EYS: variants seen among roughly 807,000 people sequenced by gnomAD.
EYS encodes protein eyes shut homolog.
EYS carries 250 observed loss-of-function variants against 282.1 expected under a neutral mutation model. The observed-to-expected ratio is 0.89, with a 90% confidence interval of 0.80 to 0.98. The LOEUF (loss-of-function observed/expected upper bound fraction) is 0.98. Among genes scored for constraint, EYS ranks in the 50% least tolerant of loss-of-function variants. EYS has a pLI of 0.00. For missense variants in EYS, 4,016 were observed against 3,709.0 expected (o/e 1.08, Z -2.15); for synonymous variants, 1,355 against 1,282.9 (o/e 1.06, Z -1.20).
At chr6:64,017,405 G>A (rs569114078) in intron 33 of EYS, among the ~76,000 whole-genome samples, 2 of 152,160 alleles carry the variant, frequency 1.3e-5, no homozygotes, top group East Asian at 1.9e-4. Context: ...ACTACAATAC[G>A]AGATTTCATT....
chr6:64,303,665 AC>A (rs1311635384), intron 30 of EYS, among the ~76,000 whole-genome samples: 9 of 151,240 alleles, frequency 6.0e-5, no homozygotes, highest in Admixed American at 1.3e-4. Flanking sequence ...ACACGGTGAA[AC>A]CCCGTCTCTA....
At chr6:65,157,855 T>C (rs1197623072) in intron 12 of EYS, among the ~76,000 whole-genome samples, 1 of 150,734 alleles carries the variant, frequency 6.6e-6, no homozygotes, top group Non-Finnish European at 1.5e-5. Flanking sequence ...TCAAGTACCA[T>C]TATATTTATA....
intron 22 of EYS, among the ~76,000 whole-genome samples, chr6:64,644,409 C>G (rs1292827267): frequency 2.0e-5 from 3 of 151,910 alleles, no homozygotes; most frequent in Non-Finnish European, 2.9e-5. Flanking sequence ...AGGGTAAGAA[C>G]CAAGAGTAAG....
chr6:64,532,567 G>A (rs1217650309), intron 26 of EYS, among the ~76,000 whole-genome samples: 1 of 151,988 alleles, frequency 6.6e-6, no homozygotes, highest in Non-Finnish European at 1.5e-5. Context: ...AAATTAGCTG[G>A]GCGTGGTGGC....
chr6:63,838,760 G>A (rs1771874212), intron 36 of EYS, among the ~76,000 whole-genome samples: 2 of 152,128 alleles, frequency 1.3e-5, no homozygotes, highest in South Asian at 2.1e-4. Flanking sequence ...TTGCACTCCA[G>A]GTTTTTATGC....
intron 12 of EYS, among the ~76,000 whole-genome samples, chr6:65,252,897 T>C (rs1430597677): frequency 6.6e-6 from 1 of 151,908 alleles, no homozygotes. Context: ...AGCAGATCAA[T>C]GAAGATTATC....
intron 42 of EYS, among the ~76,000 whole-genome samples, chr6:63,723,965 G>A (rs1017955083): frequency 2.0e-5 from 3 of 151,830 alleles, no homozygotes; most frequent in African/African-American, 7.3e-5. Context: ...TGGCCATCAC[G>A]GCCGGCTAAT....
chr6:64,641,749 G>A lies in EYS; in HGVS notation c.3444-15504C>T, dbSNP rs888901471. 7.9e-5 allele frequency among the ~76,000 whole-genome samples: 12 copies of A among 152,098 alleles called. No individual in the cohort carries two copies. The South Asian group carries it at 8.3e-4, about 11-fold the overall frequency. On this transcript the variant is annotated intron_variant, in intron 22 of 42. Coordinates refer to ENST00000503581, the MANE Select transcript of EYS (RefSeq NM_001142800.2). ...CAGCAGGAGGTGAGCGGTGGGTAAG[G>A]GAGCGTTACCTCCTGAGCTCTGTCT...
intron 2 of EYS, among the ~76,000 whole-genome samples, chr6:65,539,935 T>C (rs1385332081): frequency 3.3e-5 from 5 of 152,336 alleles, no homozygotes; most frequent in African/African-American, 7.2e-5. Flanking sequence ...AGAAAGCTCA[T>C]AATGCTTTGC....
chr6:65,055,928 C>A (rs1179992680), intron 13 of EYS, among the ~76,000 whole-genome samples: 2 of 151,996 alleles, frequency 1.3e-5, no homozygotes, highest in Admixed American at 1.3e-4. Flanking sequence ...TTTTACATGC[C>A]ATACTCTTTG....
At chr6:64,018,777 T>TA (rs1562153764) in intron 33 of EYS, among the ~76,000 whole-genome samples, 1 of 132,764 alleles carries the variant, frequency 7.5e-6, no homozygotes. Flanking sequence ...TTTTTTTTTT[T>TA]TTTTTTTTTT....
intron 7 of EYS, among the ~76,000 whole-genome samples, chr6:65,385,697 T>G (rs1010755650): frequency 6.6e-6 from 1 of 151,986 alleles, no homozygotes; most frequent in Non-Finnish European, 1.5e-5. Context: ...AAATTAAGTT[T>G]GTCCTAACTT....
chr6:64,549,442 C>A (rs1764993492), intron 26 of EYS, among the ~76,000 whole-genome samples: 1 of 152,236 alleles, frequency 6.6e-6, no homozygotes, highest in African/African-American at 2.4e-5. Context: ...AATAAGCAGC[C>A]CTTCCAACCA....
intron 36 of EYS, among the ~76,000 whole-genome samples, chr6:63,838,223 C>CTT (rs565597752): frequency 7.0e-6 from 1 of 142,778 alleles, no homozygotes; most frequent in Non-Finnish European, 1.5e-5. Flanking sequence ...CTTTTCTTTT[C>CTT]TTTTTTTTTT....
At chr6:65,422,865 T>A (rs1767519519) in intron 5 of EYS, among the ~76,000 whole-genome samples, 1 of 151,716 alleles carries the variant, frequency 6.6e-6, no homozygotes, top group South Asian at 2.1e-4. Context: ...TATGTGTACA[T>A]CCTACAAAGG....
intron 1 of EYS, among the ~76,000 whole-genome samples, chr6:65,680,256 A>T (rs1040219206): frequency 1.3e-5 from 2 of 151,918 alleles, no homozygotes; most frequent in South Asian, 4.1e-4. Context: ...CTAATTTCAG[A>T]TCTAGAAAAT....
chr6:64,161,873 T>G (rs1466830422), intron 31 of EYS, among the ~76,000 whole-genome samples: 1 of 152,156 alleles, frequency 6.6e-6, no homozygotes, highest in Non-Finnish European at 1.5e-5. Context: ...CTAGATCGAT[T>G]TTCAGGAAGA....
intron 26 of EYS, among the ~76,000 whole-genome samples, chr6:64,461,378 G>A (rs1775739192): frequency 6.6e-6 from 1 of 152,024 alleles, no homozygotes; most frequent in Admixed American, 6.5e-5. Context: ...ATTGACTGAT[G>A]GATTGATTGA....
chr6:63,943,010 A>C (rs2149759309), intron 35 of EYS, among the ~76,000 whole-genome samples: 1 of 152,358 alleles, frequency 6.6e-6, no homozygotes, highest in East Asian at 1.9e-4. Flanking sequence ...TATATAATGT[A>C]TATAACATAT....
Sources: allele counts gnomAD v4.1 joint callset (sites outside exome capture counted in the v4.1 genomes callset), GRCh38; gene constraint gnomAD v4.1.1; transcripts MANE v1.5; gene names NCBI Gene and HGNC (gene_info 2026-07-23, HGNC 2026-07-21).